The following OTOG variants were observed in gnomAD, a reference collection of about 807,000 sequenced individuals.
OTOG encodes otogelin.
Under a neutral mutation model 313.8 loss-of-function variants are expected in OTOG, and 296 were observed. That is an observed-to-expected ratio of 0.94 (90% CI 0.86 to 1.04). The LOEUF is 1.04. Among genes scored for constraint, OTOG ranks in the 50% least tolerant of loss-of-function variants. The pLI is 0.00. For missense variants in OTOG, 3,948 were observed against 3,840.1 expected (o/e 1.03, Z -0.74); for synonymous variants, 1,533 against 1,554.9 (o/e 0.99, Z 0.33).
At chr11:17,613,950 A>T (rs1853662134) in intron 39 of OTOG, among the ~76,000 whole-genome samples, 1 of 152,196 alleles carries the variant, frequency 6.6e-6, no homozygotes, top group African/African-American at 2.4e-5. Flanking sequence ...ACAGAGAAAA[A>T]GTCGGAAAGG....
chr11:17,634,109 GAC>G lies in OTOG; in HGVS notation c.7309_7310del (p.Thr2437LeufsTer32). On this transcript the variant is annotated frameshift_variant, in exon 44 of 56. Coordinates refer to ENST00000399397, the MANE Select transcript of OTOG (RefSeq NM_001292063.2). LOFTEE classifies it high-confidence loss of function. ...TGGGGGTGCCGAGGGCCCTGGGGGA[GAC>G]CTGGAACAGCTCCCTCAGCGGCTGC... ...SMGVPRALGE[T>X]WNSSLSGCCQ... 3.2e-6 allele frequency: 5 copies of G among 1,548,434 alleles called. No homozygotes were observed. Among genetic ancestry groups the G allele is most frequent in the Non-Finnish European group, 4.4e-6 (5 of 1,146,926 alleles).
chr11:17,565,888 C>A (rs1852284332), intron 15 of OTOG, among the ~76,000 whole-genome samples: 1 of 152,094 alleles, frequency 6.6e-6, no homozygotes. Flanking sequence ...ATTAGATGCA[C>A]CAGGCTTATC....
In OTOG at chr11:17,641,899, G is replaced by A. The variant is rs1318816528; in HGVS notation, c.8243G>A (p.Arg2748Lys). The A allele has an allele frequency of 1.3e-6, 2 of 1,550,358 alleles. No homozygotes were observed. Among genetic ancestry groups the A allele is most frequent in the Non-Finnish European group, 1.7e-6 (2 of 1,146,862 alleles). The change falls in exon 52 of 56, where the codon AGG becomes AAG. Residue 2748 changes from arginine (R) to lysine (K), a missense_variant. Coordinates refer to ENST00000399397, the MANE Select transcript of OTOG (RefSeq NM_001292063.2). ...CTCGCTGCCTGCTGCGGCTCCTGCA[G>A]GAACGTGTCCTGTCTCTTCACCTTC... The part of the protein sequence containing the change: ...RDLAACCGSC[R>K]NVSCLFTFPN...
chr11:17,634,663 G>A (rs906966046), intron 44 of OTOG, among the ~76,000 whole-genome samples, 181 bp from the exon 45 acceptor site: 1 of 152,130 alleles, frequency 6.6e-6, no homozygotes, highest in African/African-American at 2.4e-5. Flanking sequence ...CTGATCTTCT[G>A]TCCCAGCCCT....
At chr11:17,557,371 G>A (rs1392917353) in intron 8 of OTOG, 48 bp downstream of exon 8, 1 of 1,517,444 alleles carries the variant, frequency 6.6e-7, no homozygotes, top group Non-Finnish European at 8.9e-7. Context: ...GGGGATGGGG[G>A]ACAGGTCAGG....
rs1041123656 is a variant in OTOG at position 17,612,652 on chromosome 11, G to A, written c.6325G>A (p.Val2109Met). The A allele has an allele frequency of 1.3e-5, 20 of 1,550,554 alleles. No homozygotes were observed. The highest frequency in any genetic ancestry group is 2.4e-5 in the East Asian group (1 of 40,920). The change falls in exon 38 of 56, where the codon GTG becomes ATG. Residue 2109 changes from valine to methionine, a missense_variant. Physicochemically the swap from Val to Met is conservative, Grantham distance 21 (BLOSUM62 1). Coordinates refer to ENST00000399397, the MANE Select transcript of OTOG (RefSeq NM_001292063.2). ...CTCAATCTTCCCTGACCTGAGCTTC[G>A]TGACCTTCGATGGGAGCCACGTAGC... ...RCSIFPDLSF[V>M]TFDGSHVALF...
At chr11:17,597,063 T>A in intron 30 of OTOG, 56 bp downstream of exon 30, 20 of 1,534,330 alleles carry the variant, frequency 1.3e-5, no homozygotes, top group Non-Finnish European at 1.1e-5. Context: ...CCTGTGGGCA[T>A]GCCCTAGGGG....
intron 44 of OTOG, among the ~76,000 whole-genome samples, chr11:17,634,629 C>T (rs946227547): frequency 2.6e-5 from 4 of 152,096 alleles, no homozygotes; most frequent in African/African-American, 9.7e-5. Flanking sequence ...AGATGGGGTG[C>T]GTGTCAATGG....
chr11:17,558,949 G>C, intron 10 of OTOG, 103 bp from the exon 11 acceptor site: 1 of 934,172 alleles, frequency 1.1e-6, no homozygotes, highest in African/African-American at 1.6e-5. Context: ...CAGCTGGGTG[G>C]AGAGGAGAGA....
At chr11:17,550,221 T>G (rs553683672) in intron 3 of OTOG, among the ~76,000 whole-genome samples, 5 of 152,394 alleles carry the variant, frequency 3.3e-5, no homozygotes, top group South Asian at 2.1e-4. Context: ...ATATCATTTA[T>G]GTTCATCACT....
At chr11:17,613,243 CTTTCTTTCTTTCTT>C in intron 38 of OTOG, among the ~76,000 whole-genome samples, 1 of 129,086 alleles carries the variant, frequency 7.7e-6, no homozygotes, top group African/African-American at 3.2e-5. Context: ...TTCTTTCTTT[CTTTCTTTCTTTCTT>C]TCTTTCTTTC....
chr11:17,550,787 G>T (rs1176060565), intron 3 of OTOG, among the ~76,000 whole-genome samples: 3 of 152,208 alleles, frequency 2.0e-5, no homozygotes, highest in East Asian at 3.9e-4. Context: ...GCTGGGGCTG[G>T]GTCGACTGGG....
intron 15 of OTOG, among the ~76,000 whole-genome samples, chr11:17,562,762 A>G (rs913778998): frequency 1.3e-5 from 2 of 152,040 alleles, no homozygotes; most frequent in Non-Finnish European, 2.9e-5. Flanking sequence ...GCTTCATTGG[A>G]TTGCACCTTC....
Position 17,640,912 on chromosome 11 carries a change from G to T in OTOG, c.8012-1G>T. ...TGTTGCCGCCCTGCATGCCCATCCA[G>T]TGAAGGCCCCGGTGTGTCTGAGCCG... On this transcript the variant is annotated splice_acceptor_variant, in intron 50 of 55. Coordinates refer to ENST00000399397, the MANE Select transcript of OTOG (RefSeq NM_001292063.2). LOFTEE classifies it high-confidence loss of function. 1.3e-6 allele frequency: 2 copies of T among 1,548,528 alleles called. No individual in the cohort carries two copies. Among genetic ancestry groups the T allele is most frequent in the Non-Finnish European group, 1.7e-6 (2 of 1,146,860 alleles).
chr11:17,598,214 A>G (rs1322286292), intron 30 of OTOG, among the ~76,000 whole-genome samples: 2 of 152,206 alleles, frequency 1.3e-5, no homozygotes, highest in Non-Finnish European at 2.9e-5. Context: ...ACAAAGTTTC[A>G]GGGGGCACCA....
At chr11:17,645,518 G>A (rs1396253672) in intron 54 of OTOG, 46 bp from the exon 55 acceptor site, 2 of 1,538,430 alleles carry the variant, frequency 1.3e-6, no homozygotes, top group African/African-American at 1.4e-5. Flanking sequence ...CTGCCCCGAA[G>A]AAGCCTGGTC....
chr11:17,580,884 G>A (rs769276105), intron 23 of OTOG, among the ~76,000 whole-genome samples: 2 of 152,200 alleles, frequency 1.3e-5, no homozygotes, highest in Non-Finnish European at 2.9e-5. Context: ...CAGGTAAAAC[G>A]TAGTGAATTA....
intron 23 of OTOG, among the ~76,000 whole-genome samples, chr11:17,585,424 T>A (rs1852769766): frequency 6.6e-6 from 1 of 152,176 alleles, no homozygotes; most frequent in Admixed American, 6.5e-5. Flanking sequence ...TAGACAGGGG[T>A]TTGTCAATTT....
chr11:17,627,678 T>G (rs1240792151), intron 39 of OTOG, among the ~76,000 whole-genome samples: 1 of 129,012 alleles, frequency 7.8e-6, no homozygotes, highest in Non-Finnish European at 1.6e-5. Context: ...CTTCAAATGT[T>G]TGGTAGAAGT....
Sources: gnomAD v4.1 joint callset for allele counts (sites outside exome capture counted in the v4.1 genomes callset) on GRCh38, gnomAD v4.1.1 for gene constraint, MANE v1.5 for transcripts, NCBI Gene and HGNC (gene_info 2026-07-23, HGNC 2026-07-21) for gene names.